WDSUB1: variants seen among roughly 807,000 people sequenced by gnomAD.
WDSUB1 encodes the protein WD repeat, sterile alpha motif and U-box domain containing 1, also known as WD repeat, SAM and U-box domain-containing protein 1.
In WDSUB1, 49 loss-of-function variants were observed where a neutral mutation model predicts 53.9. That is an observed-to-expected ratio of 0.91 (90% confidence interval 0.72 to 1.15). The LOEUF (loss-of-function observed/expected upper bound fraction) is 1.15, where lower values mean the gene tolerates loss of function less well. Ranked by LOEUF, WDSUB1 falls within the 50% of genes most tolerant of loss-of-function variation. The pLI, the probability that WDSUB1 is intolerant of heterozygous loss-of-function variation, is 0.00. For synonymous variants in WDSUB1, 194 were observed against 200.6 expected, an observed-to-expected ratio of 0.97 and a Z score of 0.28; for missense variants, 514 against 562.0, an observed-to-expected ratio of 0.91 and a Z score of 0.86.
Position 159,282,841 on chromosome 2 carries a change from T to C in WDSUB1, c.229A>G (p.Thr77Ala). The C allele has an allele frequency of 6.2e-7, 1 of 1,614,164 alleles. No homozygotes were observed. Among genetic ancestry groups the C allele is most frequent in the Non-Finnish European group, 8.5e-7 (1 of 1,180,028 alleles). Residue 77 changes from threonine to alanine, a missense_variant, in exon 2 of 11, where the codon ACC (threonine) becomes GCC (alanine). Thr to Ala is a moderately conservative substitution (Grantham distance 58). Coordinates refer to ENST00000359774, the MANE Select transcript of WDSUB1 (RefSeq NM_001128212.3). ...HILASCSTDG[T>A]TVLWNTENGQ... ...TTTTCAGTATTCCATAGGACAGTGG[T>C]ACCATCTGTTGAACACGATGCCAAA...
At chr2:159,240,260 C>A (rs2060609291) in intron 10 of WDSUB1, among the ~76,000 whole-genome samples, 1 of 152,216 alleles carries the variant, frequency 6.6e-6, no homozygotes. Flanking sequence ...GGCTATACGA[C>A]ATTTCATGCA....
At chr2:159,267,238 C>T (rs1396151429) in intron 5 of WDSUB1, among the ~76,000 whole-genome samples, 1 of 152,104 alleles carries the variant, frequency 6.6e-6, no homozygotes, top group Non-Finnish European at 1.5e-5. Flanking sequence ...TTCTATACTG[C>T]CTTTTCCAAG....
chr2:159,283,371 A>C (rs373677330), intron 1 of WDSUB1, among the ~76,000 whole-genome samples: 2 of 152,148 alleles, frequency 1.3e-5, no homozygotes, highest in African/African-American at 4.8e-5. Context: ...GATCCCTCGC[A>C]GGCGCAGTTC....
intron 9 of WDSUB1, among the ~76,000 whole-genome samples, chr2:159,254,071 A>C (rs1057206990): frequency 2.6e-5 from 4 of 152,204 alleles, no homozygotes; most frequent in Non-Finnish European, 5.9e-5. Context: ...TCCATTCTTA[A>C]TGGTTTTTCA....
chr2:159,271,458 C>T (rs1474058847), intron 5 of WDSUB1, among the ~76,000 whole-genome samples: 1 of 152,138 alleles, frequency 6.6e-6, no homozygotes, highest in Non-Finnish European at 1.5e-5. Flanking sequence ...CAAAATAATT[C>T]ATATTGCATA....
chr2:159,250,072 C>A (rs1395029668), intron 9 of WDSUB1, among the ~76,000 whole-genome samples: 1 of 125,368 alleles, frequency 8.0e-6, no homozygotes, highest in Non-Finnish European at 1.6e-5. Flanking sequence ...CTGGGCGACA[C>A]AGTGAGACTC....
chr2:159,245,914 C>T (rs769587939), intron 10 of WDSUB1, among the ~76,000 whole-genome samples: 7 of 145,380 alleles, frequency 4.8e-5, no homozygotes, highest in Non-Finnish European at 1.1e-4. Flanking sequence ...TAAGAGACAT[C>T]ATTATGAAAG....
chr2:159,258,082 T>A, intron 6 of WDSUB1, 97 bp from the exon 7 acceptor site: 2 of 1,020,808 alleles, frequency 2.0e-6, no homozygotes, highest in Non-Finnish European at 3.0e-6. Context: ...ACTAAGTGGA[T>A]ATATTAATAT....
intron 4 of WDSUB1, 67 bp from the exon 5 acceptor site, chr2:159,271,862 C>A: frequency 8.0e-7 from 1 of 1,245,956 alleles, no homozygotes; most frequent in Non-Finnish European, 1.1e-6. Context: ...TAAGTCAACA[C>A]CATTTCACTT....
intron 5 of WDSUB1, among the ~76,000 whole-genome samples, chr2:159,262,658 C>T (rs896134463): frequency 6.6e-6 from 1 of 152,116 alleles, no homozygotes; most frequent in Non-Finnish European, 1.5e-5. Flanking sequence ...TTTGATAATT[C>T]ATTAGATTTT....
intron 6 of WDSUB1, 107 bp downstream of exon 6, chr2:159,259,703 A>T: frequency 8.3e-7 from 1 of 1,211,658 alleles, no homozygotes; most frequent in Non-Finnish European, 1.1e-6. Flanking sequence ...GTTCTTAGTC[A>T]TACTAAACAG....
rs553882760 is a variant in WDSUB1 at position 159,281,642 on chromosome 2, G to A, written c.398+1030C>T. ...AAGAATTGCAGTCACAGAAATAACT[G>A]CATCTCTTAGCTGAGCTTTACATAC... On this transcript the variant is annotated intron_variant, in intron 2 of 10. Coordinates refer to ENST00000359774, the MANE Select transcript of WDSUB1 (RefSeq NM_001128212.3). Among the ~76,000 whole-genome samples, 5 of 152,240 alleles carry A rather than the reference G, an allele frequency of 3.3e-5. No homozygotes were observed. The East Asian group carries it at 9.6e-4, about 29-fold the overall frequency.
intron 9 of WDSUB1, 38 bp downstream of exon 9, chr2:159,256,158 A>G: frequency 1.3e-6 from 2 of 1,558,956 alleles, no homozygotes; most frequent in East Asian, 4.6e-5. Flanking sequence ...ATTTGGTAAA[A>G]GTTGTTTTGA....
intron 5 of WDSUB1, among the ~76,000 whole-genome samples, chr2:159,267,409 TC>T (rs2061366837): frequency 6.6e-6 from 1 of 152,008 alleles, no homozygotes; most frequent in Non-Finnish European, 1.5e-5. Flanking sequence ...CAGGGGATTC[TC>T]CTGCCTCAGC....
chr2:159,240,067 C>A (rs944810621), intron 10 of WDSUB1, among the ~76,000 whole-genome samples: 4 of 152,172 alleles, frequency 2.6e-5, no homozygotes, highest in African/African-American at 9.7e-5. Context: ...TCACTGCCCC[C>A]GCAGCGTGTG....
At position 159,248,451 on chromosome 2, in the gene WDSUB1, T is replaced by G. The variant is rs374149925; in HGVS notation, c.1194A>C (p.Lys398Asn). Residue 398 changes from lysine to asparagine, a missense_variant, in exon 10 of 11, where the codon AAA becomes AAC. Physicochemically the swap from Lys to Asn is moderately conservative, Grantham distance 94. Transcript: ENST00000359774. The part of the protein sequence containing the change: ...RKIEELRTKV[K>N]SLSSGIPDEF... ...CATCAGGAATTCCTGAAGAAAGGGA[T>G]TTAACCTTGGTCCTGAGCTCTTCAA... 67 of 1,604,058 alleles carry G rather than the reference T, an allele frequency of 4.2e-5. No individual in the cohort carries two copies. The Middle Eastern group carries it at 6.6e-4, about 16-fold the overall frequency.
chr2:159,248,448 G>A lies in WDSUB1; in HGVS notation c.1197C>T (p.Ser399=). 3.1e-6 allele frequency: 5 copies of A among 1,604,660 alleles called. No homozygotes were observed. The highest frequency in any genetic ancestry group is 1.3e-5 in the African/African-American group (1 of 74,294). ...KIEELRTKVK[S]LSSGIPDEFI... ...ATTCATCAGGAATTCCTGAAGAAAG[G>A]GATTTAACCTTGGTCCTGAGCTCTT... is the stretch of plus-strand genomic sequence containing the variant. The change falls in exon 10 of 11, where the codon TCC becomes TCT. Residue 399 remains serine, a synonymous_variant. Transcript: ENST00000359774.
intron 2 of WDSUB1, 109 bp downstream of exon 2, chr2:159,282,563 T>G (rs886924757): frequency 1.5e-6 from 2 of 1,340,736 alleles, no homozygotes; most frequent in African/African-American, 2.9e-5. Flanking sequence ...ATTTTTCTTT[T>G]TTTCTACATC....
At chr2:159,236,567 T>G (rs1051765937) in intron 10 of WDSUB1, among the ~76,000 whole-genome samples, 4 of 152,162 alleles carry the variant, frequency 2.6e-5, no homozygotes, top group African/African-American at 9.7e-5. Context: ...AAGGCTCTTT[T>G]CAACACCTTG....
Sources: allele counts gnomAD v4.1 joint callset (sites outside exome capture counted in the v4.1 genomes callset), GRCh38; gene constraint gnomAD v4.1.1; transcripts MANE v1.5; gene names NCBI Gene and HGNC (gene_info 2026-07-23, HGNC 2026-07-21).